GRID2: variants seen among roughly 807,000 people sequenced by gnomAD.
GRID2 encodes glutamate ionotropic receptor delta type subunit 2.
A neutral mutation model predicts 114.8 loss-of-function variants in GRID2; 33 were observed. The ratio of observed to expected loss-of-function variants is 0.29; its 90% CI spans 0.22 to 0.38. GRID2 has a LOEUF of 0.38. Among genes scored for constraint, GRID2 ranks in the 10% least tolerant of loss-of-function variants. The probability of loss-of-function intolerance (pLI) is 1.00; values close to 1 mark genes in which losing one functional copy is unlikely to be tolerated. For missense variants in GRID2, 1,184 were observed against 1,257.7 expected (o/e 0.94, Z 0.89); for synonymous variants, 505 against 449.9 (o/e 1.12, Z -1.55).
intron 11 of GRID2, among the ~76,000 whole-genome samples, chr4:93,481,543 C>G (rs963697345): frequency 6.6e-6 from 1 of 152,060 alleles, no homozygotes; most frequent in African/African-American, 2.4e-5. Flanking sequence ...CATTTGCACT[C>G]TGTATTCATT....
Position 92,849,882 on chromosome 4 carries a change from C to T in GRID2, c.245-235113C>T, listed in dbSNP as rs562152271. Among the ~76,000 whole-genome samples, 38 of 151,732 alleles carry T rather than the reference C, an allele frequency of 2.5e-4. No homozygotes were observed. In the South Asian group the frequency reaches 7.7e-3, roughly 31 times the overall value. On this transcript the variant is annotated intron_variant, in intron 2 of 15. Coordinates refer to ENST00000282020, the MANE Select transcript of GRID2 (RefSeq NM_001510.4). Reference sequence around the variant, plus strand: ...AATGATTGAAATTTCCAGAAATCTACTTTATCATGGGTTATTACAGTAAAT... The same window carrying T: ...AATGATTGAAATTTCCAGAAATCTATTTTATCATGGGTTATTACAGTAAAT...
chr4:92,348,057 C>G (rs1198395033), intron 1 of GRID2, among the ~76,000 whole-genome samples: 1 of 152,132 alleles, frequency 6.6e-6, no homozygotes, highest in African/African-American at 2.4e-5. Context: ...TTGGGCTCAA[C>G]TGATACTCCT....
intron 1 of GRID2, among the ~76,000 whole-genome samples, chr4:92,421,329 G>A (rs1354964963): frequency 1.3e-5 from 2 of 152,070 alleles, no homozygotes; most frequent in Non-Finnish European, 1.5e-5. Context: ...CAATGGATGT[G>A]TTATAGGAAT....
At chr4:92,563,391 C>T (rs557691264) in intron 1 of GRID2, among the ~76,000 whole-genome samples, 1 of 152,006 alleles carries the variant, frequency 6.6e-6, no homozygotes, top group Admixed American at 6.6e-5. Flanking sequence ...AATATATAAA[C>T]TAAAGAAGTG....
chr4:92,844,427 TACTC>T (rs2149413926), intron 2 of GRID2, among the ~76,000 whole-genome samples: 1 of 152,034 alleles, frequency 6.6e-6, no homozygotes, highest in South Asian at 2.1e-4. Context: ...TAATCCCAGT[TACTC>T]AGGAGGCTGA....
chr4:93,261,587 A>G (rs1295380324), intron 8 of GRID2, among the ~76,000 whole-genome samples: 1 of 151,834 alleles, frequency 6.6e-6, no homozygotes, highest in Non-Finnish European at 1.5e-5. Context: ...GGCCTGGCAT[A>G]TTTAAGAGGA....
At chr4:93,576,997 A>G (rs554738497) in intron 13 of GRID2, among the ~76,000 whole-genome samples, 2 of 152,330 alleles carry the variant, frequency 1.3e-5, no homozygotes, top group African/African-American at 4.8e-5. Context: ...AGTATATTCA[A>G]ATTGCCTAGG....
chr4:92,667,767 T>G (rs796922126), intron 2 of GRID2, among the ~76,000 whole-genome samples: 24 of 151,886 alleles, frequency 1.6e-4, no homozygotes, highest in South Asian at 1.0e-3. Context: ...TTTAATTCCT[T>G]ATTAAAGTAA....
chr4:92,432,747 G>A (rs1402061738), intron 1 of GRID2, among the ~76,000 whole-genome samples: 1 of 152,118 alleles, frequency 6.6e-6, no homozygotes, highest in Non-Finnish European at 1.5e-5. Flanking sequence ...AACTGTGGCT[G>A]AGCTGCTACT....
chr4:93,427,300 A>G (rs989108148), intron 10 of GRID2, among the ~76,000 whole-genome samples: 2 of 151,976 alleles, frequency 1.3e-5, no homozygotes, highest in African/African-American at 4.8e-5. Context: ...AATGGCATAA[A>G]AATGTTATGA....
chr4:93,309,745 A>G (rs1755812797), intron 8 of GRID2, among the ~76,000 whole-genome samples: 1 of 152,128 alleles, frequency 6.6e-6, no homozygotes, highest in Non-Finnish European at 1.5e-5. Context: ...AGCTTTCCCA[A>G]TGGTGGGAGT....
chr4:92,487,955 A>G (rs192455082), intron 1 of GRID2, among the ~76,000 whole-genome samples: 26 of 152,138 alleles, frequency 1.7e-4, no homozygotes, highest in Non-Finnish European at 3.4e-4. Flanking sequence ...TAGCTGTTAG[A>G]TATTCTGATT....
rs367857065 is a variant in GRID2, at chr4:92,593,465, T to C, written c.244+3179T>C. Among the ~76,000 whole-genome samples, 16 of 152,078 alleles carry C rather than the reference T, an allele frequency of 1.1e-4. No individual in the cohort carries two copies. In the East Asian group the frequency reaches 1.7e-3, roughly 17 times the overall value. On this transcript the variant is annotated intron_variant, in intron 2 of 15. Transcript: ENST00000282020. ...CATAAACAGTAATAAAGAGTATTGG[T>C]GTTTTGGAAATCTTCCTTTGTAGCT...
chr4:93,482,453 A>G (rs772759359), intron 11 of GRID2, among the ~76,000 whole-genome samples: 14 of 151,866 alleles, frequency 9.2e-5, no homozygotes, highest in African/African-American at 3.4e-4. Flanking sequence ...ACCAAACACC[A>G]CATGTTCTCA....
intron 8 of GRID2, among the ~76,000 whole-genome samples, chr4:93,289,957 C>T (rs1490818773): frequency 2.0e-5 from 3 of 152,138 alleles, no homozygotes; most frequent in African/African-American, 7.2e-5. Flanking sequence ...GGTTTGACAT[C>T]ACTCTTTCTG....
chr4:92,867,895 C>T (rs1170287347), intron 2 of GRID2, among the ~76,000 whole-genome samples: 3 of 152,124 alleles, frequency 2.0e-5, no homozygotes, highest in Non-Finnish European at 4.4e-5. Context: ...AACTGCAACT[C>T]ACAGGGTAGT....
chr4:92,432,302 C>T (rs756799987), intron 1 of GRID2, among the ~76,000 whole-genome samples: 15 of 152,126 alleles, frequency 9.9e-5, no homozygotes, highest in Non-Finnish European at 1.5e-4. Context: ...GGTGGTGAAT[C>T]CATGCAGGCT....
intron 8 of GRID2, among the ~76,000 whole-genome samples, chr4:93,336,505 C>T (rs184119851): frequency 2.6e-5 from 4 of 152,126 alleles, no homozygotes; most frequent in African/African-American, 9.7e-5. Flanking sequence ...CTTCATCAAA[C>T]ATCATGGTAT....
At chr4:92,860,461 G>A (rs1744455598) in intron 2 of GRID2, among the ~76,000 whole-genome samples, 1 of 152,120 alleles carries the variant, frequency 6.6e-6, no homozygotes, top group Admixed American at 6.6e-5. Context: ...GAAAAAGGCA[G>A]AGTTTTGCTA....
Sources: gnomAD v4.1 joint callset for allele counts (sites outside exome capture counted in the v4.1 genomes callset) on GRCh38, gnomAD v4.1.1 for gene constraint, MANE v1.5 for transcripts, NCBI Gene and HGNC (gene_info 2026-07-23, HGNC 2026-07-21) for gene names.